TATDN3: variants seen among roughly 807,000 people sequenced by gnomAD.
The protein encoded by TATDN3 is deoxyribonuclease TATDN3.
In TATDN3, 29 loss-of-function variants were observed where a neutral mutation model predicts 40.1. That is an observed-to-expected ratio of 0.72 (90% confidence interval 0.54 to 0.99). The LOEUF (loss-of-function observed/expected upper bound fraction) is 0.99, where lower values mean the gene tolerates loss of function less well. TATDN3 is among the 50% of genes least tolerant of loss of function. TATDN3 has a pLI of 0.00. For synonymous variants in TATDN3, 105 were observed against 117.0 expected (o/e 0.90, Z 0.66); for missense variants, 309 against 321.9 (o/e 0.96, Z 0.31).
rs1384028828 is a variant in TATDN3, at chr1:212,797,133, A to G, written c.195A>G (p.Pro65=). The part of the protein sequence containing the change: ...LSERYNGFVL[P]CLGVHPVQGL... ...TTAGGTATAATGGGTTTGTCCTGCC[A>G]TGCTTGGGTGTTCATCCAGTTCAAG... is the stretch of plus-strand genomic sequence containing the variant. The change falls in exon 4 of 10, where the codon CCA becomes CCG. Residue 65 remains proline (P), a synonymous_variant. Transcript: ENST00000366974. The G allele has an allele frequency of 1.9e-6, 3 of 1,614,170 alleles. No homozygotes were observed. Among genetic ancestry groups the G allele is most frequent in the South Asian group, 1.1e-5 (1 of 91,080 alleles).
At chr1:212,807,675 T>C in intron 7 of TATDN3, 61 bp from the exon 8 acceptor site, 1 of 1,313,156 alleles carries the variant, frequency 7.6e-7, no homozygotes, top group African/African-American at 1.5e-5. Context: ...CAGACTTCTG[T>C]TATTTAATTT....
chr1:212,804,754 C>A (rs1662358705), intron 7 of TATDN3, 103 bp downstream of exon 7: 3 of 1,021,388 alleles, frequency 2.9e-6, no homozygotes, highest in Non-Finnish European at 4.4e-6. Flanking sequence ...TCTTGAAGGG[C>A]AGGGGCAAGA....
intron 4 of TATDN3, among the ~76,000 whole-genome samples, chr1:212,798,779 C>A (rs145132619): frequency 0.014 from 2,118 of 152,264 alleles, 20 homozygotes; most frequent in South Asian, 0.034. Context: ...ATGCCAGGCA[C>A]TGCTGTCAGC....
rs1262575650 is a variant in TATDN3, at chr1:212,816,820, C to T, written c.*1664C>T. 4.6e-5 allele frequency among the ~76,000 whole-genome samples: 7 copies of T among 152,158 alleles called. No homozygotes were observed. The South Asian group carries it at 1.2e-3, about 27-fold the overall frequency. Reference sequence around the variant, plus strand: ...ATTATATTAAAACTGGACTTTTAAGCTCTCTTCCAACTCTGTATTTCTTTT... The same window carrying T: ...ATTATATTAAAACTGGACTTTTAAGTTCTCTTCCAACTCTGTATTTCTTTT... On this transcript the variant is annotated 3_prime_UTR_variant, in exon 10 of 10. Transcript: ENST00000366974.
intron 7 of TATDN3, among the ~76,000 whole-genome samples, chr1:212,804,910 C>G (rs755875921): frequency 6.6e-6 from 1 of 152,144 alleles, no homozygotes; most frequent in Non-Finnish European, 1.5e-5. Context: ...TAAAAATTAG[C>G]AGCTTCATAA....
intron 7 of TATDN3, among the ~76,000 whole-genome samples, chr1:212,806,624 T>TC (rs1662485799): frequency 1.3e-5 from 2 of 149,740 alleles, no homozygotes; most frequent in Admixed American, 1.3e-4. Flanking sequence ...CAAGAGATCC[T>TC]CCCATCTCAG....
chr1:212,799,934 T>G (rs1254068336), intron 4 of TATDN3, among the ~76,000 whole-genome samples: 1 of 152,202 alleles, frequency 6.6e-6, no homozygotes, highest in African/African-American at 2.4e-5. Flanking sequence ...TTAGCCCTAT[T>G]TTATTCCAGT....
chr1:212,808,767 C>T (rs564164286), intron 8 of TATDN3, among the ~76,000 whole-genome samples: 1 of 152,286 alleles, frequency 6.6e-6, no homozygotes, highest in African/African-American at 2.4e-5. Flanking sequence ...GTGAGAGATA[C>T]AACTTCATAC....
At chr1:212,804,887 A>G (rs574308575) in intron 7 of TATDN3, among the ~76,000 whole-genome samples, 1 of 152,350 alleles carries the variant, frequency 6.6e-6, no homozygotes, top group East Asian at 1.9e-4. Context: ...ACAATAATTT[A>G]TGTCCCTTAA....
chr1:212,807,275 CAG>C (rs1662600266), intron 7 of TATDN3, among the ~76,000 whole-genome samples: 1 of 151,828 alleles, frequency 6.6e-6, no homozygotes, highest in African/African-American at 2.4e-5. Flanking sequence ...TTTTTTGAGA[CAG>C]AGTCTCACTC....
chr1:212,794,126 A>C (rs1426793681), intron 1 of TATDN3, among the ~76,000 whole-genome samples: 1 of 151,906 alleles, frequency 6.6e-6, no homozygotes, highest in Non-Finnish European at 1.5e-5. Context: ...TAAAAGTACA[A>C]AAAAATTAGC....
At chr1:212,797,405 T>C in intron 4 of TATDN3, 1 of 541,484 alleles carries the variant, frequency 1.8e-6, no homozygotes, top group Non-Finnish European at 3.3e-6. Flanking sequence ...AAGGAATCAT[T>C]AGTTAAGTTG....
Position 212,816,597 on chromosome 1 carries a change from G to T in TATDN3, c.*1441G>T, listed in dbSNP as rs146806489. The T allele has an allele frequency of 6.3e-4, 96 of 152,030 alleles. No homozygotes were observed. Among genetic ancestry groups the T allele is most frequent in the African/African-American group, 2.1e-3 (88 of 41,504 alleles). The allele number at this position is 152,030 out of a possible 1,614,324, so 9.4% of individuals were successfully genotyped here. On this transcript the variant is annotated 3_prime_UTR_variant, in exon 10 of 10. Transcript: ENST00000366974. ...AATGCTGGAAAAAGTACCTGTCATA[G>T]AAAAAAATAAACTTCCTAAATCAAA...
At chr1:212,813,495 A>G (rs1471602279) in intron 9 of TATDN3, among the ~76,000 whole-genome samples, 2 of 151,578 alleles carry the variant, frequency 1.3e-5, no homozygotes, top group East Asian at 1.9e-4. Context: ...AACTATGATT[A>G]TATGTGATTG....
chr1:212,804,559 A>C, intron 6 of TATDN3, 37 bp from the exon 7 acceptor site: 1 of 1,599,538 alleles, frequency 6.3e-7, no homozygotes, highest in East Asian at 2.2e-5. Flanking sequence ...ATACTTTCAG[A>C]ATGGTACTTA....
chr1:212,814,107 A>G lies in TATDN3; in HGVS notation c.682-906A>G, dbSNP rs1663063425. On this transcript the variant is annotated intron_variant, in intron 9 of 9. Transcript: ENST00000366974. ...AGTGCTAAGATTACAGGTGTAAGCC[A>G]CTGCACCTGGCTGAACCTCTGTATA... 3.9e-5 allele frequency among the ~76,000 whole-genome samples: 6 copies of G among 152,106 alleles called. No individual in the cohort carries two copies. In the South Asian group the frequency reaches 1.2e-3, roughly 32 times the overall value.
chr1:212,797,123 T>C lies in TATDN3; in HGVS notation c.185T>C (p.Phe62Ser). 6.2e-7 allele frequency: 1 copy of C among 1,613,988 alleles called. No homozygotes were observed. Residue 62 changes from phenylalanine to serine, a missense_variant, in exon 4 of 10, where the codon TTT becomes TCT. Physicochemically the swap from Phe to Ser is radical, Grantham distance 155. Coordinates refer to ENST00000366974, the MANE Select transcript of TATDN3 (RefSeq NM_001042552.3). ...IMQLSERYNG[F>S]VLPCLGVHPV... ...TTCTACATTTTTAGGTATAATGGGT[T>C]TGTCCTGCCATGCTTGGGTGTTCAT...
intron 9 of TATDN3, among the ~76,000 whole-genome samples, chr1:212,812,800 C>T (rs1244076333): frequency 3.3e-5 from 5 of 152,110 alleles, no homozygotes; most frequent in African/African-American, 9.7e-5. Flanking sequence ...GTCAGGAGTT[C>T]GAGACCAGCT....
intron 2 of TATDN3, among the ~76,000 whole-genome samples, chr1:212,796,238 G>T (rs11120029): frequency 0.17 from 25,193 of 152,084 alleles, 2,197 homozygotes; most frequent in East Asian, 0.24. Context: ...TAGACCTGAT[G>T]ACCTTGGGCA....
Sources: allele counts gnomAD v4.1 joint callset (sites outside exome capture counted in the v4.1 genomes callset), GRCh38; gene constraint gnomAD v4.1.1; transcripts MANE v1.5; gene names NCBI Gene and HGNC (gene_info 2026-07-23, HGNC 2026-07-21).